ACAD11: variants seen among roughly 807,000 people sequenced by gnomAD.
ACAD11 encodes the protein acyl-CoA dehydrogenase family member 11, also known as acyl-Coenzyme A dehydrogenase family, member 11.
Under a neutral mutation model 102.2 loss-of-function variants are expected in ACAD11, and 83 were observed. That is an observed-to-expected ratio of 0.81 (90% CI 0.68 to 0.97). ACAD11 has a LOEUF of 0.97. ACAD11 is among the 50% of genes least tolerant of loss of function. ACAD11 has a pLI of 0.00. For synonymous variants in ACAD11, 324 were observed against 319.8 expected (o/e 1.01, Z -0.14); for missense variants, 901 against 951.7 (o/e 0.95, Z 0.70).
At position 132,558,758 on chromosome 3, in the gene ACAD11, C is replaced by T. The variant is rs1363851199; in HGVS notation, c.*213G>A. 4.1e-6 allele frequency: 2 copies of T among 491,304 alleles called. No individual in the cohort carries two copies. Among genetic ancestry groups the T allele is most frequent in the Non-Finnish European group, 3.6e-6 (1 of 281,314 alleles). The allele number at this position is 491,304 out of a possible 1,614,324, so 30.4% of individuals were successfully genotyped here. On this transcript the variant is annotated 3_prime_UTR_variant, in exon 20 of 20. Coordinates refer to ENST00000264990, the MANE Select transcript of ACAD11 (RefSeq NM_032169.5). ...CTCAAGGAGGCACTAGATTGAATGACAACAGCTACAGCATTTCTTACTGAA... is the reference window on the plus strand; with the variant it reads ...CTCAAGGAGGCACTAGATTGAATGATAACAGCTACAGCATTTCTTACTGAA...
At chr3:132,617,250 C>G (rs959787981) in intron 11 of ACAD11, among the ~76,000 whole-genome samples, 4 of 152,122 alleles carry the variant, frequency 2.6e-5, no homozygotes, top group African/African-American at 9.7e-5. Flanking sequence ...CCTAGATATA[C>G]TGAATCAGAA....
rs138569623 is a variant in ACAD11 at position 132,610,152 on chromosome 3, A to G, written c.1415-4947T>C. On this transcript the variant is annotated intron_variant, in intron 11 of 19. Transcript: ENST00000264990. ...AAAATAATAAGAGCTATTTATGACA[A>G]ACCCACAGCCAATATCATACTGAAT... Among the ~76,000 whole-genome samples, 242 of 152,344 alleles carry G rather than the reference A, an allele frequency of 1.6e-3. 1 individual carries two copies. Among genetic ancestry groups the G allele is most frequent in the African/African-American group, 5.5e-3 (227 of 41,588 alleles).
At position 132,610,218 on chromosome 3, in the gene ACAD11, T is replaced by G. The variant is rs149133979; in HGVS notation, c.1415-5013A>C. ...GCACTCCCTTTGAAACTGGGACACA[T>G]TCAAAGCAGTATGTAGAGGGAAATT... On this transcript the variant is annotated intron_variant, in intron 11 of 19. Coordinates refer to ENST00000264990, the MANE Select transcript of ACAD11 (RefSeq NM_032169.5). 3.7e-3 allele frequency among the ~76,000 whole-genome samples: 563 copies of G among 151,970 alleles called. 3 individuals are homozygous for G. Among genetic ancestry groups the G allele is most frequent in the African/African-American group, 0.013 (538 of 41,488 alleles).
intron 15 of ACAD11, 83 bp downstream of exon 15, chr3:132,578,713 T>C: frequency 1.4e-6 from 2 of 1,455,156 alleles, no homozygotes. Context: ...ATCTTATGCA[T>C]TAAAATGCTA....
At chr3:132,598,219 T>C (rs987948029) in intron 13 of ACAD11, among the ~76,000 whole-genome samples, 13 of 152,308 alleles carry the variant, frequency 8.5e-5, no homozygotes, top group African/African-American at 2.6e-4. Context: ...TTCAGCACTA[T>C]AATAAAAACA....
rs1486285436 is a variant in ACAD11 at position 132,648,911 on chromosome 3, C to T, written c.150-4015G>A. Reference sequence around the variant, plus strand: ...TGCTTTGCCTTGAGATGCTGTTAATCTGTAACTTTGCCCCAATCTTGAGCT... The same window carrying T: ...TGCTTTGCCTTGAGATGCTGTTAATTTGTAACTTTGCCCCAATCTTGAGCT... On this transcript the variant is annotated intron_variant, in intron 1 of 19. Transcript: ENST00000264990. The T allele has an allele frequency of 2.0e-5, 3 of 152,310 alleles. 1 individual carries two copies. Among genetic ancestry groups the T allele is most frequent in the Admixed American group, 2.0e-4 (3 of 15,286 alleles). The allele number at this position is 152,310 out of a possible 1,614,324, so 9.4% of individuals were successfully genotyped here.
intron 1 of ACAD11, 125 bp downstream of exon 1, chr3:132,659,478 T>C (rs1263571685): frequency 3.7e-6 from 5 of 1,360,476 alleles, no homozygotes; most frequent in Non-Finnish European, 4.0e-6. Context: ...GCCTGTAGGG[T>C]GCGTCCACTG....
chr3:132,628,486 C>A (rs919298938), intron 7 of ACAD11, 40 bp from the exon 8 acceptor site: 2 of 1,387,498 alleles, frequency 1.4e-6, no homozygotes, highest in South Asian at 1.3e-5. Flanking sequence ...CATTGAAAAC[C>A]GTCCTTCAAC....
At chr3:132,658,780 A>G (rs1050581768) in intron 1 of ACAD11, among the ~76,000 whole-genome samples, 5 of 152,184 alleles carry the variant, frequency 3.3e-5, no homozygotes, top group African/African-American at 1.2e-4. Context: ...GTGATAAAAT[A>G]CCACTAGCAC....
chr3:132,633,846 C>G (rs1357196482), intron 5 of ACAD11, among the ~76,000 whole-genome samples: 4 of 152,080 alleles, frequency 2.6e-5, no homozygotes, highest in African/African-American at 9.7e-5. Context: ...GGAAAACTGG[C>G]TAGCCATATG....
chr3:132,647,084 C>T (rs1940744123), intron 1 of ACAD11: 2 of 152,032 alleles, frequency 1.3e-5, no homozygotes, highest in South Asian at 2.1e-4. Context: ...TTAAATGTTA[C>T]GTTACATGAA....
At chr3:132,611,100 T>G (rs546503070) in intron 11 of ACAD11, among the ~76,000 whole-genome samples, 57 of 152,202 alleles carry the variant, frequency 3.7e-4, no homozygotes, top group African/African-American at 1.2e-3. Flanking sequence ...ATCCAGCATA[T>G]AAACAGAACC....
intron 4 of ACAD11, among the ~76,000 whole-genome samples, chr3:132,641,342 G>T (rs1255120893): frequency 3.9e-5 from 6 of 152,062 alleles, no homozygotes; most frequent in Non-Finnish European, 7.4e-5. Context: ...AGGAGATTGA[G>T]ACCATCCTGG....
chr3:132,630,873 C>T (rs564336875), intron 6 of ACAD11, among the ~76,000 whole-genome samples: 6 of 152,242 alleles, frequency 3.9e-5, no homozygotes, highest in African/African-American at 1.4e-4. Flanking sequence ...GAGCTTAAAA[C>T]TAGCCTGGGT....
rs1227259259 is a variant in ACAD11, at chr3:132,561,442, GAAAT to G, written c.2002-229_2002-226del. On this transcript the variant is annotated intron_variant, in intron 17 of 19. Transcript: ENST00000264990. Reference sequence around the variant, plus strand: ...AGTTAAAATTGAAATATTTTAGAAAGAAATTTTATTTTCCCAGAAAAATCATTTA... The same window carrying G: ...AGTTAAAATTGAAATATTTTAGAAAGTTTATTTTCCCAGAAAAATCATTTA... 20 of 498,028 alleles carry G rather than the reference GAAAT, an allele frequency of 4.0e-5. 1 individual carries two copies. The highest frequency in any genetic ancestry group is 7.1e-5 in the Non-Finnish European group (19 of 266,072). 30.9% of individuals were successfully genotyped at this position (498,028 alleles called of 1,614,324 possible).
chr3:132,586,611 A>G (rs1164814854), intron 13 of ACAD11, among the ~76,000 whole-genome samples: 1 of 152,112 alleles, frequency 6.6e-6, no homozygotes, highest in African/African-American at 2.4e-5. Context: ...TATTGTCTAT[A>G]TTACATCTGA....
chr3:132,645,977 C>T (rs1940700690), intron 1 of ACAD11: 1 of 147,500 alleles, frequency 6.8e-6, no homozygotes, highest in South Asian at 2.1e-4. Flanking sequence ...TCAATTGCAA[C>T]GAATCTTTTT....
At chr3:132,598,254 C>A (rs1938403145) in intron 13 of ACAD11, among the ~76,000 whole-genome samples, 1 of 152,164 alleles carries the variant, frequency 6.6e-6, no homozygotes, top group East Asian at 1.9e-4. Flanking sequence ...TTTATACATT[C>A]CAAAACTTAC....
Position 132,617,794 on chromosome 3 carries a change from T to A in ACAD11, c.1414+840A>T, listed in dbSNP as rs944575761. On this transcript the variant is annotated intron_variant, in intron 11 of 19. Transcript: ENST00000264990. Reference sequence around the variant, plus strand: ...AAATATGAGGCCCTTGCCTCTCTGATCTCTTCTCCTACTATTATTTTCCTG... The same window carrying A: ...AAATATGAGGCCCTTGCCTCTCTGAACTCTTCTCCTACTATTATTTTCCTG... Among the ~76,000 whole-genome samples the A allele has an allele frequency of 2.6e-5, 4 of 152,150 alleles. 1 individual carries two copies. The highest frequency in any genetic ancestry group is 2.6e-4 in the Admixed American group (4 of 15,262).
Sources: gnomAD v4.1 joint callset for allele counts (sites outside exome capture counted in the v4.1 genomes callset) on GRCh38, gnomAD v4.1.1 for gene constraint, MANE v1.5 for transcripts, NCBI Gene and HGNC (gene_info 2026-07-23, HGNC 2026-07-21) for gene names.